Variants in SORCS2 observed in about 807,000 individuals in gnomAD.
The protein encoded by SORCS2 is sortilin related VPS10 domain containing receptor 2.
A neutral mutation model predicts 141.6 loss-of-function variants in SORCS2; 100 were observed. That is an observed-to-expected ratio of 0.71 (90% confidence interval 0.60 to 0.83). The LOEUF is 0.83. Among genes scored for constraint, SORCS2 ranks in the 40% least tolerant of loss-of-function variants. The pLI, the probability that SORCS2 is intolerant of heterozygous loss-of-function variation, is 0.00. For synonymous variants in SORCS2, 789 were observed against 676.9 expected (o/e 1.17, Z -2.57); for missense variants, 1,646 against 1,560.2 (o/e 1.05, Z -0.93).
In SORCS2 at chr4:7,640,429, T is replaced by C. The variant is rs569386066; in HGVS notation, c.813+1937T>C. ...GTGGGTGAGTGTGTGTGATCGTGTGTGTGAGTCTACATGAGTGTGTGGGTG... is the reference window on the plus strand; with the variant it reads ...GTGGGTGAGTGTGTGTGATCGTGTGCGTGAGTCTACATGAGTGTGTGGGTG... On this transcript the variant is annotated intron_variant, in intron 4 of 26. Coordinates refer to ENST00000507866, the MANE Select transcript of SORCS2 (RefSeq NM_020777.3). 2.2e-5 allele frequency among the ~76,000 whole-genome samples: 3 copies of C among 135,544 alleles called. No homozygotes were observed. The East Asian group carries it at 5.9e-4, about 27-fold the overall frequency. 88.9% of individuals were successfully genotyped at this position (135,544 alleles called of 152,430 possible).
At chr4:7,538,684 C>A (rs2109573036) in intron 3 of SORCS2, among the ~76,000 whole-genome samples, 1 of 152,212 alleles carries the variant, frequency 6.6e-6, no homozygotes, top group Admixed American at 6.5e-5. Flanking sequence ...CCTGGCCCAC[C>A]CACCATATCA....
At chr4:7,737,224 G>T (rs759428708) in intron 26 of SORCS2, 52 bp downstream of exon 26, 1 of 1,547,118 alleles carries the variant, frequency 6.5e-7, no homozygotes, top group Non-Finnish European at 8.7e-7. Flanking sequence ...GGTAACGTCC[G>T]CCCCAAACCC....
chr4:7,483,830 G>A (rs890602363), intron 2 of SORCS2, among the ~76,000 whole-genome samples: 4 of 152,024 alleles, frequency 2.6e-5, no homozygotes, highest in African/African-American at 9.7e-5. Context: ...CGGGTTGATG[G>A]GTGCAGCAAA....
intron 3 of SORCS2, among the ~76,000 whole-genome samples, chr4:7,579,036 A>G (rs781079451): frequency 3.3e-5 from 5 of 152,080 alleles, no homozygotes; most frequent in Admixed American, 1.3e-4. Context: ...GCAGATGGCT[A>G]TAATTTCATT....
chr4:7,674,578 TAAAAAAAAAAAAA>T (rs377431157), intron 8 of SORCS2, among the ~76,000 whole-genome samples: 3 of 82,586 alleles, frequency 3.6e-5, no homozygotes, highest in East Asian at 7.3e-4. Flanking sequence ...TGTCTCAAAA[TAAAAAAAAAAAAA>T]AAAAAAAAAA....
At chr4:7,530,799 C>G (rs1711571982) in intron 2 of SORCS2, among the ~76,000 whole-genome samples, 1 of 152,222 alleles carries the variant, frequency 6.6e-6, no homozygotes, top group Non-Finnish European at 1.5e-5. Context: ...CGCTTTAAAG[C>G]TCAGTGTACT....
intron 2 of SORCS2, among the ~76,000 whole-genome samples, chr4:7,414,511 A>G (rs990038409): frequency 1.3e-5 from 2 of 152,196 alleles, no homozygotes; most frequent in African/African-American, 4.8e-5. Context: ...AGAGTCTTTT[A>G]TTAAGCCGGC....
intron 1 of SORCS2, among the ~76,000 whole-genome samples, chr4:7,368,731 G>A (rs1722065205): frequency 2.6e-5 from 4 of 152,184 alleles, no homozygotes; most frequent in Admixed American, 2.0e-4. Context: ...TCATGAAAAC[G>A]AATGCATAAG....
In SORCS2 at chr4:7,740,916, C is replaced by G; in HGVS notation, c.*652C>G. The G allele has an allele frequency of 2.5e-6, 1 of 398,268 alleles. No homozygotes were observed. The highest frequency in any genetic ancestry group is 4.4e-5 in the Admixed American group (1 of 22,890). The allele number at this position is 398,268 out of a possible 1,614,324, so 24.7% of individuals were successfully genotyped here. A position where few individuals can be genotyped will look rare whatever the true frequency, so the allele number is the denominator to read the frequency against. On this transcript the variant is annotated 3_prime_UTR_variant, in exon 27 of 27. Coordinates refer to ENST00000507866, the MANE Select transcript of SORCS2 (RefSeq NM_020777.3). ...CCACCGGGGTGGCTCTGTCAGAGTT[C>G]CGTACTCGGGAGCCCCTTTCCCTGA... is the stretch of plus-strand genomic sequence containing the variant.
chr4:7,309,743 G>A (rs1177347205), intron 1 of SORCS2, among the ~76,000 whole-genome samples: 3 of 152,210 alleles, frequency 2.0e-5, no homozygotes, highest in South Asian at 2.1e-4. Context: ...GGGCGGGGAC[G>A]AGAGTTGGCC....
chr4:7,358,671 CT>C (rs1376467145), intron 1 of SORCS2, among the ~76,000 whole-genome samples: 1 of 152,208 alleles, frequency 6.6e-6, no homozygotes, highest in Non-Finnish European at 1.5e-5. Context: ...TGACCATCTG[CT>C]GAGTGTGGGG....
chr4:7,559,868 C>T (rs972101807), intron 3 of SORCS2, among the ~76,000 whole-genome samples: 3 of 152,258 alleles, frequency 2.0e-5, no homozygotes, highest in Admixed American at 6.5e-5. Context: ...CATTGTCACC[C>T]ATTGGGAGGC....
chr4:7,367,579 C>T (rs1721978998), intron 1 of SORCS2, among the ~76,000 whole-genome samples: 1 of 152,204 alleles, frequency 6.6e-6, no homozygotes, highest in Non-Finnish European at 1.5e-5. Context: ...GGTGCCGGCT[C>T]TTCTCGCTCA....
At chr4:7,216,122 G>T (rs12152650) in intron 1 of SORCS2, among the ~76,000 whole-genome samples, 48,177 of 151,892 alleles carry the variant, frequency 0.32, 8,315 homozygotes, top group Non-Finnish European at 0.39. Context: ...GAGAGACCAC[G>T]AGCCCACGGG....
intron 3 of SORCS2, among the ~76,000 whole-genome samples, chr4:7,589,715 C>T (rs7660504): frequency 0.02 from 3,059 of 152,278 alleles, 111 homozygotes; most frequent in African/African-American, 0.068. Flanking sequence ...GAGTCCCGTT[C>T]TAAGTGCCCT....
intron 2 of SORCS2, among the ~76,000 whole-genome samples, chr4:7,478,170 C>A (rs976629301): frequency 6.6e-6 from 1 of 152,174 alleles, no homozygotes; most frequent in Non-Finnish European, 1.5e-5. Flanking sequence ...CCCAGTGAGG[C>A]AGTTTGAAAA....
At chr4:7,404,062 T>C (rs944805174) in intron 2 of SORCS2, among the ~76,000 whole-genome samples, 1 of 149,884 alleles carries the variant, frequency 6.7e-6, no homozygotes. Context: ...GCTGTAAATA[T>C]GTGGCTTTAT....
chr4:7,279,672 G>A (rs541301181), intron 1 of SORCS2, among the ~76,000 whole-genome samples: 1 of 152,368 alleles, frequency 6.6e-6, no homozygotes, highest in Admixed American at 6.5e-5. Flanking sequence ...ACGAGATTGA[G>A]TGTCCAGCCG....
intron 3 of SORCS2, among the ~76,000 whole-genome samples, chr4:7,540,771 C>T (rs1712577614): frequency 1.3e-5 from 2 of 152,276 alleles, no homozygotes; most frequent in South Asian, 4.1e-4. Flanking sequence ...CCTGGCTTTC[C>T]GACCCCCCTG....
Sources: allele counts gnomAD v4.1 joint callset (sites outside exome capture counted in the v4.1 genomes callset), GRCh38; gene constraint gnomAD v4.1.1; transcripts MANE v1.5; gene names NCBI Gene and HGNC (gene_info 2026-07-23, HGNC 2026-07-21).